Variants in AP1G1 observed in about 807,000 individuals in gnomAD.
AP1G1 encodes AP-1 complex subunit gamma-1.
In AP1G1, 7 loss-of-function variants were observed where a neutral mutation model predicts 108.3. The ratio of observed to expected loss-of-function variants is 0.06; its 90% confidence interval spans 0.04 to 0.12. The LOEUF (loss-of-function observed/expected upper bound fraction) is 0.12, where lower values mean the gene tolerates loss of function less well. AP1G1 is among the 10% of genes least tolerant of loss of function. The pLI is 1.00. For synonymous variants in AP1G1, 379 were observed against 353.5 expected (o/e 1.07, Z -0.81); for missense variants, 756 against 1,010.7 (o/e 0.75, Z 3.42).
chr16:71,735,687 G>A (rs981462073), intron 21 of AP1G1, among the ~76,000 whole-genome samples: 2 of 151,776 alleles, frequency 1.3e-5, no homozygotes, highest in Non-Finnish European at 2.9e-5. Flanking sequence ...TATAGGGCAA[G>A]CTAGGTAAAC....
intron 1 of AP1G1, among the ~76,000 whole-genome samples, chr16:71,804,338 G>A (rs375331003): frequency 1.6e-4 from 24 of 146,590 alleles, no homozygotes; most frequent in Admixed American, 1.4e-3. Flanking sequence ...GAGCCACCTC[G>A]CCCAGCCAAC....
chr16:71,756,236 T>G, intron 11 of AP1G1, 77 bp from the exon 12 acceptor site: 1 of 1,366,400 alleles, frequency 7.3e-7, no homozygotes, highest in Non-Finnish European at 1.0e-6. Flanking sequence ...ATGCACTCTG[T>G]GAACACCAAG....
At chr16:71,748,179 A>G (rs1007229466) in intron 16 of AP1G1, 72 bp downstream of exon 16, 4 of 1,523,024 alleles carry the variant, frequency 2.6e-6, no homozygotes, top group Admixed American at 2.2e-5. Context: ...CCATGATAAC[A>G]AGTTTTTTGG....
At position 71,750,278 on chromosome 16, in the gene AP1G1, T is replaced by G. The variant is rs1322879086; in HGVS notation, c.1339A>C (p.Asn447His). 1.9e-6 allele frequency: 3 copies of G among 1,614,012 alleles called. No individual in the cohort carries two copies. Among genetic ancestry groups the G allele is most frequent in the Non-Finnish European group, 2.5e-6 (3 of 1,179,972 alleles). Residue 447 changes from asparagine to histidine, a missense_variant, in exon 14 of 23, where the codon AAT becomes CAT. Transcript: ENST00000299980. ...GTATAGGCATGCATCTCCACACTAT[T>G]AGTTATTAACTGGATTAAATTGGGG... ...AVPNLIQLIT[N>H]SVEMHAYTVQ...
intron 2 of AP1G1, among the ~76,000 whole-genome samples, chr16:71,775,185 C>T (rs11075902): frequency 0.34 from 50,981 of 151,012 alleles, 9,441 homozygotes; most frequent in East Asian, 0.76. Context: ...CACCACCAAA[C>T]CCAGGTAATT....
At chr16:71,772,474 A>T (rs1256189643) in intron 4 of AP1G1, among the ~76,000 whole-genome samples, 1 of 152,116 alleles carries the variant, frequency 6.6e-6, no homozygotes, top group African/African-American at 2.4e-5. Context: ...TTAATATGAC[A>T]ATGAGCTTTC....
intron 1 of AP1G1, among the ~76,000 whole-genome samples, chr16:71,806,882 C>T (rs2033014334): frequency 1.3e-5 from 2 of 152,194 alleles, no homozygotes; most frequent in Admixed American, 6.5e-5. Context: ...CATCATATGA[C>T]CTATAGAGGA....
chr16:71,753,776 T>C (rs2030628343), intron 13 of AP1G1, 57 bp downstream of exon 13: 5 of 1,474,180 alleles, frequency 3.4e-6, no homozygotes, highest in South Asian at 2.3e-5. Flanking sequence ...ATAAACTTCA[T>C]GATAACATCA....
chr16:71,795,733 C>A (rs1291697855), intron 1 of AP1G1, among the ~76,000 whole-genome samples: 1 of 152,200 alleles, frequency 6.6e-6, no homozygotes, highest in Non-Finnish European at 1.5e-5. Context: ...CTTTACAATA[C>A]ATCTTATTCT....
chr16:71,765,334 C>T (rs907273136), intron 7 of AP1G1, among the ~76,000 whole-genome samples, 155 bp downstream of exon 7: 39 of 152,186 alleles, frequency 2.6e-4, no homozygotes, highest in African/African-American at 9.2e-4. Context: ...ATTGTATCCT[C>T]TTAATCTAAT....
intron 21 of AP1G1, among the ~76,000 whole-genome samples, chr16:71,738,482 G>C (rs978063726): frequency 6.6e-6 from 1 of 152,104 alleles, no homozygotes; most frequent in African/African-American, 2.4e-5. Flanking sequence ...AACGAAGGAG[G>C]AATGTTTCTC....
At chr16:71,799,313 G>C (rs1175828054) in intron 1 of AP1G1, among the ~76,000 whole-genome samples, 1 of 152,122 alleles carries the variant, frequency 6.6e-6, no homozygotes, top group Non-Finnish European at 1.5e-5. Flanking sequence ...AGAAATAAAA[G>C]CATCAGCATA....
At chr16:71,784,119 T>C (rs2032118280) in intron 2 of AP1G1, among the ~76,000 whole-genome samples, 1 of 152,196 alleles carries the variant, frequency 6.6e-6, no homozygotes, top group South Asian at 2.1e-4. Flanking sequence ...TAGAATTCAG[T>C]GCTTCAAAAA....
intron 21 of AP1G1, among the ~76,000 whole-genome samples, chr16:71,737,231 A>AGAGTTCAT (rs2045561310): frequency 6.6e-6 from 1 of 152,138 alleles, no homozygotes; most frequent in Non-Finnish European, 1.5e-5. Flanking sequence ...TCCAAACAGA[A>AGAGTTCAT]TGGCTCTAGA....
chr16:71,760,354 C>T (rs2031021821), intron 10 of AP1G1, among the ~76,000 whole-genome samples: 1 of 151,552 alleles, frequency 6.6e-6, no homozygotes. Flanking sequence ...ACCAGCCCAG[C>T]CAACATGGTG....
chr16:71,745,104 T>C (rs755156444), intron 19 of AP1G1, 40 bp downstream of exon 19: 12 of 1,607,174 alleles, frequency 7.5e-6, no homozygotes, highest in Non-Finnish European at 9.3e-6. Flanking sequence ...CTGAGGCCTC[T>C]ATCTTTTCCC....
intron 1 of AP1G1, chr16:71,807,824 G>C (rs1289222006): frequency 7.8e-7 from 1 of 1,289,106 alleles, no homozygotes; most frequent in East Asian, 5.6e-5. Flanking sequence ...TTTTCTCCAT[G>C]GACAGATTTC....
chr16:71,739,364 A>C (rs1179613629), intron 19 of AP1G1, 23 bp from the exon 20 acceptor site: 7 of 1,546,096 alleles, frequency 4.5e-6, no homozygotes, highest in Non-Finnish European at 6.1e-6. Context: ...TTTTAATGGA[A>C]AGTTAACCTT....
At chr16:71,800,441 G>C (rs892661363) in intron 1 of AP1G1, among the ~76,000 whole-genome samples, 1 of 151,492 alleles carries the variant, frequency 6.6e-6, no homozygotes, top group African/African-American at 2.4e-5. Flanking sequence ...TAGCACTTTG[G>C]GAGGCCAAGG....
Sources: allele counts gnomAD v4.1 joint callset (sites outside exome capture counted in the v4.1 genomes callset), GRCh38; gene constraint gnomAD v4.1.1; transcripts MANE v1.5; gene names NCBI Gene and HGNC (gene_info 2026-07-23, HGNC 2026-07-21).